ITGA2: variants seen among roughly 807,000 people sequenced by gnomAD.
ITGA2 encodes integrin subunit alpha 2.
Under a neutral mutation model 146.3 loss-of-function variants are expected in ITGA2, and 101 were observed. The observed-to-expected ratio is 0.69, with a 90% CI of 0.59 to 0.81. ITGA2 has a LOEUF of 0.81. Ranked by LOEUF, ITGA2 falls within the 40% of genes least tolerant of loss-of-function variation. The probability of loss-of-function intolerance (pLI) is 0.00; values close to 1 mark genes in which losing one functional copy is unlikely to be tolerated. For missense variants in ITGA2, 1,281 were observed against 1,402.7 expected, an observed-to-expected ratio of 0.91 and a Z score of 1.39; for synonymous variants, 477 against 487.1, an observed-to-expected ratio of 0.98 and a Z score of 0.27.
rs754890984 is a variant in ITGA2 at position 53,065,158 on chromosome 5, T to C, written c.1806+43T>C. 38 of 1,571,432 alleles carry C rather than the reference T, an allele frequency of 2.4e-5. No homozygotes were observed. The East Asian group carries it at 8.5e-4, about 35-fold the overall frequency. ...ATGGTGATGTATGTATTTGTGGGTC[T>C]TATCATATTAGACATAGAAAGCGTC... On this transcript the variant is annotated intron_variant, in intron 14 of 29. Transcript: ENST00000296585.
chr5:53,085,798 G>A (rs779335826), intron 27 of ITGA2, among the ~76,000 whole-genome samples: 5 of 152,198 alleles, frequency 3.3e-5, no homozygotes. Context: ...GCCACAGCAT[G>A]TGAAAGCAGC....
intron 1 of ITGA2, among the ~76,000 whole-genome samples, chr5:53,003,788 T>A (rs140675520): frequency 6.6e-6 from 1 of 152,250 alleles, no homozygotes; most frequent in Non-Finnish European, 1.5e-5. Flanking sequence ...AACTTAATGG[T>A]CCTCGACCAT....
chr5:53,065,672 A>C, intron 14 of ITGA2, 169 bp from the exon 15 acceptor site: 2 of 791,902 alleles, frequency 2.5e-6, no homozygotes, highest in Non-Finnish European at 4.1e-6. Context: ...AGAGTGATGC[A>C]GAGATCAGAT....
chr5:52,991,845 T>C (rs1389307587), intron 1 of ITGA2, among the ~76,000 whole-genome samples: 1 of 152,200 alleles, frequency 6.6e-6, no homozygotes, highest in Non-Finnish European at 1.5e-5. Flanking sequence ...ATGAAAATGG[T>C]AAATGGGCAG....
At position 53,073,260 on chromosome 5, in the gene ITGA2, G is replaced by C; in HGVS notation, c.2571+1G>C. 1.2e-6 allele frequency: 2 copies of C among 1,612,034 alleles called. No individual in the cohort carries two copies. Among genetic ancestry groups the C allele is most frequent in the Non-Finnish European group, 1.7e-6 (2 of 1,178,570 alleles). On this transcript the variant is annotated splice_donor_variant, in intron 20 of 29. Coordinates refer to ENST00000296585, the MANE Select transcript of ITGA2 (RefSeq NM_002203.4). LOFTEE classifies it high-confidence loss of function. ...GTTTTTTGCATCATTCTCCCTGCCG[G>C]TATGTGATGAGACCCTGTACTTACT...
In ITGA2 at chr5:53,027,379, C is replaced by T. The variant is rs570404723; in HGVS notation, c.185+511C>T. On this transcript the variant is annotated intron_variant, in intron 2 of 29. Coordinates refer to ENST00000296585, the MANE Select transcript of ITGA2 (RefSeq NM_002203.4). ...CTCACAAATATCAATGCAAAATGTA[C>T]AAAGGTGGCTTTCTCTAGCATATTA... Among the ~76,000 whole-genome samples the T allele has an allele frequency of 2.0e-5, 3 of 152,276 alleles. 1 individual carries two copies. The highest frequency in any genetic ancestry group is 7.2e-5 in the African/African-American group (3 of 41,564).
Position 53,090,783 on chromosome 5 carries a change from C to CG in ITGA2, c.*190dup, listed in dbSNP as rs1182132201. On this transcript the variant is annotated 3_prime_UTR_variant, in exon 30 of 30. Coordinates refer to ENST00000296585, the MANE Select transcript of ITGA2 (RefSeq NM_002203.4). Reference sequence around the variant, plus strand: ...GAAATTGTGGGGGGTGGGGGAGGTGCGGGGGGCAGGTAGGGAAATAATAGG... The same window carrying CG: ...GAAATTGTGGGGGGTGGGGGAGGTGCGGGGGGGCAGGTAGGGAAATAATAGG... 7 of 319,664 alleles carry CG rather than the reference C, an allele frequency of 2.2e-5. No homozygotes were observed. Among genetic ancestry groups the CG allele is most frequent in the East Asian group, 4.2e-5 (1 of 23,794 alleles). The allele number at this position is 319,664 out of a possible 1,614,324, so 19.8% of individuals were successfully genotyped here.
chr5:53,051,187 A>G (rs1011389357), intron 6 of ITGA2, among the ~76,000 whole-genome samples: 1 of 152,198 alleles, frequency 6.6e-6, no homozygotes, highest in African/African-American at 2.4e-5. Flanking sequence ...ACTGTAGCAC[A>G]TCATCTTTCT....
At chr5:53,083,695 G>T (rs1487304500) in intron 27 of ITGA2, among the ~76,000 whole-genome samples, 1 of 152,128 alleles carries the variant, frequency 6.6e-6, no homozygotes, top group Non-Finnish European at 1.5e-5. Flanking sequence ...GACTCCATGC[G>T]ACCTACCACA....
intron 2 of ITGA2, among the ~76,000 whole-genome samples, chr5:53,035,234 A>G (rs1743431894): frequency 6.6e-6 from 1 of 152,214 alleles, no homozygotes; most frequent in South Asian, 2.1e-4. Flanking sequence ...AAGAACAGGA[A>G]TTTGTATCAT....
At chr5:53,081,044 A>G (rs1383874200) in intron 25 of ITGA2, among the ~76,000 whole-genome samples, 1 of 152,120 alleles carries the variant, frequency 6.6e-6, no homozygotes, top group Non-Finnish European at 1.5e-5. Flanking sequence ...TCGCTCTTTT[A>G]AATAACAGTG....
rs180936589 is a variant in ITGA2, at chr5:53,002,705, G to A, written c.64+13173G>A. On this transcript the variant is annotated intron_variant, in intron 1 of 29. Coordinates refer to ENST00000296585, the MANE Select transcript of ITGA2 (RefSeq NM_002203.4). ...GTTTTTTCTTTTCGTTTTACTTTTG[G>A]ATCATTTCCAAAAGGGGCATTACTA... Among the ~76,000 whole-genome samples the A allele has an allele frequency of 3.9e-4, 60 of 152,150 alleles. 1 individual carries two copies. Among genetic ancestry groups the A allele is most frequent in the African/African-American group, 1.4e-3 (58 of 41,498 alleles).
At chr5:53,050,325 C>CT (rs1310191378) in intron 6 of ITGA2, among the ~76,000 whole-genome samples, 1 of 152,114 alleles carries the variant, frequency 6.6e-6, no homozygotes, top group African/African-American at 2.4e-5. Context: ...TTCTTTAAAT[C>CT]TTTTTTCTTC....
In ITGA2 at chr5:53,075,156, A is replaced by G. The variant is rs1168981041; in HGVS notation, c.2741+19A>G. The G allele has an allele frequency of 6.2e-7, 1 of 1,604,268 alleles. No homozygotes were observed. Among genetic ancestry groups the G allele is most frequent in the Non-Finnish European group, 8.5e-7 (1 of 1,171,580 alleles). On this transcript the variant is annotated intron_variant, in intron 22 of 29. Transcript: ENST00000296585. Reference sequence around the variant, plus strand: ...CCTTAAGGTAAAACATAATGAAGTCATGAATGGAATGATGGATAGCTTTGT... The same window carrying G: ...CCTTAAGGTAAAACATAATGAAGTCGTGAATGGAATGATGGATAGCTTTGT...
intron 2 of ITGA2, among the ~76,000 whole-genome samples, chr5:53,034,062 C>T (rs1430247620): frequency 6.6e-6 from 1 of 152,002 alleles, no homozygotes; most frequent in Non-Finnish European, 1.5e-5. Flanking sequence ...GAGCCTGGCC[C>T]TCCTTTTATT....
At chr5:53,005,725 C>T (rs1741814703) in intron 1 of ITGA2, among the ~76,000 whole-genome samples, 1 of 152,040 alleles carries the variant, frequency 6.6e-6, no homozygotes, top group Admixed American at 6.6e-5. Context: ...ATTTGTTAGA[C>T]ACTGGGTTGA....
At chr5:53,064,783 A>T in intron 13 of ITGA2, 129 bp from the exon 14 acceptor site, 1 of 829,180 alleles carries the variant, frequency 1.2e-6, no homozygotes, top group Admixed American at 1.9e-5. Context: ...GGCTTCAAGT[A>T]GTCCTTCTGC....
chr5:53,045,989 G>A (rs960216979), intron 4 of ITGA2, among the ~76,000 whole-genome samples: 5 of 151,514 alleles, frequency 3.3e-5, no homozygotes, highest in East Asian at 3.9e-4. Context: ...TCAGGATTTC[G>A]AGACCAGCCT....
intron 1 of ITGA2, among the ~76,000 whole-genome samples, chr5:53,019,346 A>G (rs902375850): frequency 1.3e-5 from 2 of 152,158 alleles, no homozygotes; most frequent in Admixed American, 1.3e-4. Context: ...TAAATAAGTC[A>G]TAAGTTTAAA....
Sources: gnomAD v4.1 joint callset for allele counts (sites outside exome capture counted in the v4.1 genomes callset) on GRCh38, gnomAD v4.1.1 for gene constraint, MANE v1.5 for transcripts, NCBI Gene and HGNC (gene_info 2026-07-23, HGNC 2026-07-21) for gene names.